The following NCOR2 variants were observed in gnomAD, a reference collection of about 807,000 sequenced individuals.
NCOR2 encodes CTG repeat protein 26.
NCOR2 carries 81 observed loss-of-function variants against 262.9 expected under a neutral mutation model. The observed-to-expected ratio is 0.31, with a 90% CI of 0.26 to 0.37. The LOEUF (loss-of-function observed/expected upper bound fraction) is 0.37. Ranked by LOEUF, NCOR2 falls within the 10% of genes least tolerant of loss-of-function variation. The probability of loss-of-function intolerance (pLI) is 1.00; values close to 1 mark genes in which losing one functional copy is unlikely to be tolerated. For synonymous variants in NCOR2, 1,659 were observed against 1,559.3 expected (o/e 1.06, Z -1.51); for missense variants, 3,385 against 3,621.4 (o/e 0.93, Z 1.68).
chr12:124,335,458 G>T (rs1467320823), intron 39 of NCOR2, 25 bp downstream of exon 41: 1 of 1,595,426 alleles, frequency 6.3e-7, no homozygotes, highest in Non-Finnish European at 8.5e-7. Flanking sequence ...GGGCTTCGGG[G>T]GCCTGGGTAC....
At chr12:124,325,377 G>GGGGCC in exon 47 of NCOR2, 1 of 246,788 alleles carries the variant, frequency 4.1e-6, no homozygotes, top group Non-Finnish European at 6.6e-6. Context: ...ACCTGACACC[G>GGGGCC]CCCCCCCCCC....
At chr12:124,527,452 C>G (rs2050538348) in intron 1 of NCOR2, among the ~76,000 whole-genome samples, 1 of 151,768 alleles carries the variant, frequency 6.6e-6, no homozygotes, top group Non-Finnish European at 1.5e-5. Flanking sequence ...GAGTCTTGCT[C>G]TGTTGCCCAG....
chr12:124,476,850 GAGCCCAGGA>G (rs1373121722), intron 3 of NCOR2, among the ~76,000 whole-genome samples: 1 of 151,026 alleles, frequency 6.6e-6, no homozygotes, highest in African/African-American at 2.4e-5. Context: ...AGGATTGCTT[GAGCCCAGGA>G]GTTCAAGACC....
chr12:124,354,800 G>A, intron 25 of NCOR2, 37 bp downstream of exon 27: 1 of 1,591,532 alleles, frequency 6.3e-7, no homozygotes, highest in South Asian at 1.1e-5. Context: ...CCAGAGCCCA[G>A]CCTGAGCCAC....
chr12:124,530,591 T>C (rs1270182316), intron 1 of NCOR2, among the ~76,000 whole-genome samples: 1 of 152,142 alleles, frequency 6.6e-6, no homozygotes, highest in East Asian at 1.9e-4. Flanking sequence ...CCCTCAAGTT[T>C]CCCAAAGTCC....
In NCOR2 at chr12:124,549,737, C is replaced by T. The variant is rs751518306; in HGVS notation, c.-164-14126G>A. 7.2e-5 allele frequency among the ~76,000 whole-genome samples: 11 copies of T among 152,164 alleles called. No homozygotes were observed. The highest frequency in any genetic ancestry group is 1.2e-4 in the Non-Finnish European group (8 of 68,022). ...GCCTGAAGGTGACAGAGCGCCTCGC[C>T]GTATCACCAGCAACCCCTCAAGATA... On this transcript the variant is annotated intron_variant, in intron 1 of 32. Coordinates refer to the NCOR2 transcript ENST00000458234. The surrounding 1 kb of genome is among the most constrained non-coding windows in gnomAD (Gnocchi z 4.4).
intron 20 of NCOR2, among the ~76,000 whole-genome samples, chr12:124,368,277 G>T (rs1379186764): frequency 6.6e-6 from 1 of 152,162 alleles, no homozygotes; most frequent in Non-Finnish European, 1.5e-5. Flanking sequence ...CGGTTGGGGG[G>T]CAGGGCACGA....
intron 22 of NCOR2, among the ~76,000 whole-genome samples, chr12:124,358,214 ATGTG>A (rs891239483): frequency 5.7e-5 from 8 of 140,454 alleles, no homozygotes; most frequent in East Asian, 2.3e-4. Flanking sequence ...GTGCATGTGC[ATGTG>A]TGTGTGAGTG....
rs894497268 is a variant in NCOR2 at position 124,355,624 on chromosome 12, C to T, written c.3242-53G>A. ...GGGCCCAGGAGCGGTCACGTCCCTG[C>T]CGGACACACACTCCAGGCTGCACTC... On this transcript the variant is annotated intron_variant, in intron 23 of 46. Coordinates refer to ENST00000405201, the Ensembl canonical transcript of NCOR2. 11 of 1,495,576 alleles carry T rather than the reference C, an allele frequency of 7.4e-6. No homozygotes were observed. The South Asian group carries it at 1.4e-4, about 18-fold the overall frequency. 92.6% of individuals were successfully genotyped at this position (1,495,576 alleles called of 1,614,324 possible).
chr12:124,338,980 C>T (rs561799821), intron 37 of NCOR2, among the ~76,000 whole-genome samples: 6 of 148,536 alleles, frequency 4.0e-5, no homozygotes, highest in African/African-American at 1.5e-4. Context: ...ACCCTACCAC[C>T]CACCCATCCA....
intron 17 of NCOR2, among the ~76,000 whole-genome samples, chr12:124,380,130 G>A (rs1425008059): frequency 6.6e-6 from 1 of 152,230 alleles, no homozygotes; most frequent in African/African-American, 2.4e-5. Flanking sequence ...AGAAAAAGCT[G>A]CTGACGTCCA....
chr12:124,356,882 A>G (rs1177731610), intron 22 of NCOR2, 100 bp from the exon 25 acceptor site: 3 of 1,348,994 alleles, frequency 2.2e-6, no homozygotes, highest in Admixed American at 4.1e-5. Context: ...CTGCACCCAC[A>G]GTAGTGGTGG....
intron 7 of NCOR2, among the ~76,000 whole-genome samples, chr12:124,439,071 C>A (rs2136422838): frequency 8.0e-5 from 2 of 24,950 alleles, no homozygotes; most frequent in African/African-American, 1.3e-4. Context: ...AGACAGAGAC[C>A]CAGAGAGAGA....
chr12:124,455,663 G>A (rs2045805732), intron 6 of NCOR2, among the ~76,000 whole-genome samples: 1 of 152,208 alleles, frequency 6.6e-6, no homozygotes, highest in Non-Finnish European at 1.5e-5. Flanking sequence ...CAACTACTGA[G>A]CGCTTCGTAG....
At chr12:124,530,776 C>A (rs1432349138) in intron 1 of NCOR2, among the ~76,000 whole-genome samples, 1 of 152,194 alleles carries the variant, frequency 6.6e-6, no homozygotes, top group Non-Finnish European at 1.5e-5. Context: ...CAGAAAACTG[C>A]CAAGTAAAAT....
chr12:124,459,677 C>T (rs1453407999), intron 5 of NCOR2, among the ~76,000 whole-genome samples: 1 of 152,202 alleles, frequency 6.6e-6, no homozygotes, highest in African/African-American at 2.4e-5. Flanking sequence ...CATGTCATCC[C>T]TTCCCTCTTT....
At chr12:124,480,621 G>A (rs2047400229) in intron 3 of NCOR2, among the ~76,000 whole-genome samples, 1 of 152,118 alleles carries the variant, frequency 6.6e-6, no homozygotes, top group Non-Finnish European at 1.5e-5. Flanking sequence ...TCAAAGAGGA[G>A]TGAAATCAAA....
intron 1 of NCOR2, among the ~76,000 whole-genome samples, chr12:124,508,596 G>A (rs969635249): frequency 6.6e-6 from 1 of 152,188 alleles, no homozygotes; most frequent in South Asian, 2.1e-4. Flanking sequence ...ACTGAGCAGA[G>A]ACCCAGGAAT....
intron 1 of NCOR2, among the ~76,000 whole-genome samples, chr12:124,541,302 A>G (rs1019084869): frequency 1.7e-3 from 2 of 1,186 alleles, no homozygotes; most frequent in Non-Finnish European, 1.4e-3. Flanking sequence ...ATGGAGGGGG[A>G]TGGGGAGTGA....
Sources: gnomAD v4.1 joint callset for allele counts (sites outside exome capture counted in the v4.1 genomes callset) on GRCh38, gnomAD v4.1.1 for gene constraint, Gnocchi (gnomAD v3.1) non-coding constraint, MANE v1.5 for transcripts, NCBI Gene and HGNC (gene_info 2026-07-23, HGNC 2026-07-21) for gene names.